TRIM66: variants seen among roughly 807,000 people sequenced by gnomAD.
TRIM66 encodes the protein tripartite motif-containing protein 66.
A neutral mutation model predicts 148.2 loss-of-function variants in TRIM66; 99 were observed. The observed-to-expected ratio is 0.67, with a 90% CI of 0.57 to 0.79. The LOEUF (loss-of-function observed/expected upper bound fraction) is 0.79. Ranked by LOEUF, TRIM66 falls within the 30% of genes least tolerant of loss-of-function variation. The pLI, the probability that TRIM66 is intolerant of heterozygous loss-of-function variation, is 0.00. For synonymous variants in TRIM66, 616 were observed against 635.9 expected (o/e 0.97, Z 0.47); for missense variants, 1,666 against 1,697.9 (o/e 0.98, Z 0.33).
At chr11:8,669,053 T>G (rs966214359) in intron 6 of TRIM66, among the ~76,000 whole-genome samples, 3 of 152,160 alleles carry the variant, frequency 2.0e-5, no homozygotes, top group African/African-American at 7.2e-5. Context: ...GTGGGATGGG[T>G]GGCAGAAAAG....
chr11:8,683,115 C>CA, upstream of TRIM66: 1 of 1,377,930 alleles, frequency 7.3e-7, no homozygotes, highest in Non-Finnish European at 1.0e-6. Context: ...GTCTTTGACC[C>CA]ACAGGCTTAC....
intron 6 of TRIM66, among the ~76,000 whole-genome samples, chr11:8,659,953 C>T (rs1221656705): frequency 1.3e-5 from 2 of 152,154 alleles, no homozygotes; most frequent in Non-Finnish European, 2.9e-5. Flanking sequence ...TCATGGCTCA[C>T]TGCAGCCTCA....
rs770753663 is a variant in TRIM66, at chr11:8,621,158, G to A, written c.3419C>T (p.Pro1140Leu). 2.0e-5 allele frequency: 31 copies of A among 1,551,556 alleles called. No homozygotes were observed. The Admixed American group carries it at 2.4e-4, about 12-fold the overall frequency. The stretch of plus-strand genomic sequence containing the variant: ...GAAGTCCTCATTCTCTATTGGGGCT[G>A]GGGGGCCCTTCTTGGCTCCTGGGGT... ...PRTPGAKKGP[P>L]APIENEDFCA... is the part of the protein sequence containing the mutation. The change falls in exon 20 of 25, where the codon CCA (proline) becomes CTA (leucine). Residue 1140 changes from proline to leucine, a missense_variant. Pro to Leu is a moderately conservative substitution (Grantham distance 98). This residue lies in a region of TRIM66 where 1,431 missense variants were observed against 1,412.4 expected (regional missense o/e 1.01). Coordinates refer to ENST00000646038, the MANE Select transcript of TRIM66 (RefSeq NM_001388022.1).
In TRIM66 at chr11:8,621,792, G is replaced by C. The variant is rs1281209762; in HGVS notation, c.3108C>G (p.Pro1036=). 2.6e-6 allele frequency: 4 copies of C among 1,549,956 alleles called. No homozygotes were observed. Among genetic ancestry groups the C allele is most frequent in the Non-Finnish European group, 3.5e-6 (4 of 1,146,392 alleles). The change falls in exon 19 of 25, where the codon CCC becomes CCG. Residue 1036 remains proline (P), a synonymous_variant. Transcript: ENST00000646038. ...TCTTGAGTCGCTCCAGTCGCACATA[G>C]GGAATCTTATGCTCACTATTGAAGG... ...IRAFNSEHKI[P]YVRLERLKIC...
In TRIM66 at chr11:8,621,803, G is replaced by A; in HGVS notation, c.3097C>T (p.His1033Tyr). Residue 1033 changes from histidine to tyrosine, a missense_variant, in exon 19 of 25, where the codon CAT becomes TAT. Around this residue, in one of 3 missense-constraint regions of TRIM66, gnomAD observed 1,431 missense variants for 1,412.4 expected, o/e 1.01. Transcript: ENST00000646038. ...TCCAGTCGCACATAGGGAATCTTAT[G>A]CTCACTATTGAAGGCTCTGCAGCAA... ...NQSIRAFNSEHKIPYVRLERL... is the reference protein window; with the variant it reads ...NQSIRAFNSEYKIPYVRLERL... 2 of 1,548,324 alleles carry A rather than the reference G, an allele frequency of 1.3e-6. No individual in the cohort carries two copies. The highest frequency in any genetic ancestry group is 4.0e-5 in the Admixed American group (2 of 50,394).
chr11:8,671,670 A>C (rs2038940585), intron 6 of TRIM66, 116 bp downstream of exon 6: 1 of 620,242 alleles, frequency 1.6e-6, no homozygotes, highest in Non-Finnish European at 2.9e-6. Context: ...TTCAGCAATG[A>C]GTGTCCCTTG....
At chr11:8,673,223 C>T (rs543885758) in intron 4 of TRIM66, among the ~76,000 whole-genome samples, 7 of 152,102 alleles carry the variant, frequency 4.6e-5, no homozygotes, top group African/African-American at 1.4e-4. Flanking sequence ...CCACCGAGCC[C>T]GGCCCACACT....
chr11:8,643,003 G>A lies in TRIM66; in HGVS notation c.1222+6C>T. On this transcript the variant is annotated splice_donor_region_variant and intron_variant, in intron 13 of 24. Transcript: ENST00000646038. Reference sequence around the variant, plus strand: ...GGTAGGCCTGGGTGGGTGGGTCCAAGCTCACCAAGAGAAGCTAGCTGCTTG... The same window carrying A: ...GGTAGGCCTGGGTGGGTGGGTCCAAACTCACCAAGAGAAGCTAGCTGCTTG... 1 of 1,548,062 alleles carries A rather than the reference G, an allele frequency of 6.5e-7. No homozygotes were observed. The highest frequency in any genetic ancestry group is 8.7e-7 in the Non-Finnish European group (1 of 1,144,854).
At chr11:8,631,933 C>A (rs1377808052) in intron 15 of TRIM66, among the ~76,000 whole-genome samples, 1 of 151,966 alleles carries the variant, frequency 6.6e-6, no homozygotes, top group Non-Finnish European at 1.5e-5. Flanking sequence ...AGAAACTGAC[C>A]ACTGTGTAAA....
chr11:8,682,670 A>T, upstream of TRIM66: 1 of 896,568 alleles, frequency 1.1e-6, no homozygotes, highest in Non-Finnish European at 1.9e-6. Flanking sequence ...GGAAGCGACT[A>T]GCAGGCGCGC....
intron 3 of TRIM66, among the ~76,000 whole-genome samples, chr11:8,676,598 T>C (rs1310683171): frequency 2.0e-5 from 3 of 152,230 alleles, no homozygotes; most frequent in South Asian, 4.1e-4. Flanking sequence ...ATTTATGTCT[T>C]AGAAGAGCAA....
intron 7 of TRIM66, among the ~76,000 whole-genome samples, chr11:8,650,326 T>TC (rs1347637967): frequency 6.6e-6 from 1 of 151,774 alleles, no homozygotes; most frequent in Non-Finnish European, 1.5e-5. Context: ...TGAGCCAAGA[T>TC]CGTACCACTA....
At chr11:8,665,373 T>A (rs1206290218) in intron 6 of TRIM66, among the ~76,000 whole-genome samples, 1 of 152,228 alleles carries the variant, frequency 6.6e-6, no homozygotes, top group Non-Finnish European at 1.5e-5. Flanking sequence ...AAATATTCAG[T>A]GGGCAACTGA....
At chr11:8,664,206 T>C (rs141198519) in intron 6 of TRIM66, among the ~76,000 whole-genome samples, 1 of 152,354 alleles carries the variant, frequency 6.6e-6, no homozygotes, top group East Asian at 1.9e-4. Context: ...TTCTGCAACG[T>C]ATCTATACTT....
intron 6 of TRIM66, among the ~76,000 whole-genome samples, chr11:8,653,357 C>G (rs2037529360): frequency 6.6e-6 from 1 of 152,218 alleles, no homozygotes; most frequent in Non-Finnish European, 1.5e-5. Flanking sequence ...GTTTTCCAAG[C>G]CTAGACCTCA....
At chr11:8,651,720 G>A in intron 7 of TRIM66, 80 bp downstream of exon 7, 1 of 1,071,820 alleles carries the variant, frequency 9.3e-7, no homozygotes. Flanking sequence ...ATAGAGTGAT[G>A]GATGGATAGA....
chr11:8,679,278 T>C (rs2039313127), intron 3 of TRIM66: 1 of 152,210 alleles, frequency 6.6e-6, no homozygotes, highest in Admixed American at 6.5e-5. Context: ...TGGTTGCCTT[T>C]TGAAGGAGAG....
chr11:8,624,196 G>C (rs2034581476), intron 17 of TRIM66, among the ~76,000 whole-genome samples, 163 bp downstream of exon 17: 2 of 152,188 alleles, frequency 1.3e-5, no homozygotes, highest in African/African-American at 2.4e-5. Context: ...AGCAGAACAG[G>C]TGTCACTAAG....
At chr11:8,648,301 C>T (rs2133210178) in intron 9 of TRIM66, 115 bp downstream of exon 9, 1 of 1,457,604 alleles carries the variant, frequency 6.9e-7, no homozygotes, top group Admixed American at 2.3e-5. Context: ...AGCCCAGGGG[C>T]TGCAGGTTGG....
Sources: allele counts gnomAD v4.1 joint callset (sites outside exome capture counted in the v4.1 genomes callset), GRCh38; gene constraint gnomAD v4.1.1; regional missense constraint gnomAD v4.1.1; transcripts MANE v1.5; gene names NCBI Gene and HGNC (gene_info 2026-07-23, HGNC 2026-07-21).